The following SLC25A42 variants were observed in gnomAD, a reference collection of about 807,000 sequenced individuals.
SLC25A42 encodes solute carrier family 25 member 42.
SLC25A42 carries 19 observed loss-of-function variants against 34.7 expected under a neutral mutation model. The ratio of observed to expected loss-of-function variants is 0.55; its 90% CI spans 0.38 to 0.80. The LOEUF is 0.80. SLC25A42 is among the 30% of genes least tolerant of loss of function. The probability of loss-of-function intolerance (pLI) is 0.00; values close to 1 mark genes in which losing one functional copy is unlikely to be tolerated. For missense variants in SLC25A42, 364 were observed against 441.3 expected (o/e 0.82, Z 1.57); for synonymous variants, 205 against 191.2 (o/e 1.07, Z -0.59).
At chr19:19,107,324 A>AAAC (rs543088802) in intron 6 of SLC25A42, among the ~76,000 whole-genome samples, 14 of 151,198 alleles carry the variant, frequency 9.3e-5, no homozygotes, top group African/African-American at 3.2e-4. Flanking sequence ...TCCAAAAAAA[A>AAAC]AAAAACAAAA....
intron 3 of SLC25A42, among the ~76,000 whole-genome samples, chr19:19,103,377 G>A (rs936006689): frequency 1.3e-5 from 2 of 152,196 alleles, no homozygotes; most frequent in Non-Finnish European, 2.9e-5. Context: ...TTATGGGCAT[G>A]AGTCACCGCG....
intron 1 of SLC25A42, among the ~76,000 whole-genome samples, chr19:19,080,221 G>C (rs1166636851): frequency 6.6e-6 from 1 of 152,194 alleles, no homozygotes; most frequent in South Asian, 2.1e-4. Flanking sequence ...ATCTGGTGAA[G>C]AGCAGAGTGG....
At chr19:19,079,401 A>G (rs902631693) in intron 1 of SLC25A42, among the ~76,000 whole-genome samples, 2 of 151,932 alleles carry the variant, frequency 1.3e-5, no homozygotes, top group South Asian at 2.1e-4. Flanking sequence ...TCCCATCCCC[A>G]TGAGCAGTCA....
chr19:19,091,328 C>G (rs569909570), intron 1 of SLC25A42, among the ~76,000 whole-genome samples: 10 of 151,900 alleles, frequency 6.6e-5, no homozygotes, highest in Non-Finnish European at 1.5e-4. Flanking sequence ...CATGGTGGTG[C>G]GCGCCTATAA....
At chr19:19,092,956 C>T (rs113113377) in intron 1 of SLC25A42, among the ~76,000 whole-genome samples, 3,636 of 152,168 alleles carry the variant, frequency 0.024, 116 homozygotes, top group African/African-American at 0.07. Context: ...TGAAAGATGC[C>T]GACCCCCAGC....
At chr19:19,066,909 C>G (rs2059605610) in intron 1 of SLC25A42, among the ~76,000 whole-genome samples, 1 of 151,384 alleles carries the variant, frequency 6.6e-6, no homozygotes, top group Non-Finnish European at 1.5e-5. Flanking sequence ...CACAGTTACT[C>G]AGGAGGCTGA....
chr19:19,094,626 G>A (rs955434173), intron 1 of SLC25A42, among the ~76,000 whole-genome samples: 1 of 152,216 alleles, frequency 6.6e-6, no homozygotes, highest in South Asian at 2.1e-4. Flanking sequence ...GGAGGCTGGT[G>A]TAGCAGAATC....
intron 1 of SLC25A42, among the ~76,000 whole-genome samples, chr19:19,066,416 GGCT>G (rs2059602496): frequency 6.6e-6 from 1 of 151,458 alleles, no homozygotes. Flanking sequence ...CCTTACTGAT[GGCT>G]GTTTAAGCTG....
At chr19:19,071,921 G>A (rs147690776) in intron 1 of SLC25A42, among the ~76,000 whole-genome samples, 3 of 152,214 alleles carry the variant, frequency 2.0e-5, no homozygotes, top group African/African-American at 4.8e-5. Flanking sequence ...GATGAGCAGC[G>A]GGACAAATCA....
chr19:19,110,412 C>T (rs2059856408), intron 7 of SLC25A42, among the ~76,000 whole-genome samples, 157 bp from the exon 8 acceptor site: 1 of 152,130 alleles, frequency 6.6e-6, no homozygotes, highest in African/African-American at 2.4e-5. Flanking sequence ...GGCAGTGGGG[C>T]GTGTGGGTGC....
At position 19,108,152 on chromosome 19, in the gene SLC25A42, G is replaced by A. The variant is rs530666024; in HGVS notation, c.649+107G>A. Reference sequence around the variant, plus strand: ...CTGGAGACCAGGCGGAGTGGGGTACGACCCCTGGGTGGGGCAGGCTGTAGA... The same window carrying A: ...CTGGAGACCAGGCGGAGTGGGGTACAACCCCTGGGTGGGGCAGGCTGTAGA... On this transcript the variant is annotated intron_variant, in intron 7 of 7. Transcript: ENST00000318596. 86 of 1,323,636 alleles carry A rather than the reference G, an allele frequency of 6.5e-5. 1 individual carries two copies. Among genetic ancestry groups the A allele is most frequent in the South Asian group, 6.2e-4 (41 of 66,092 alleles). The allele number at this position is 1,323,636 out of a possible 1,614,324, so 82.0% of individuals were successfully genotyped here.
chr19:19,076,418 C>T (rs1043515922), intron 1 of SLC25A42, among the ~76,000 whole-genome samples: 29 of 152,056 alleles, frequency 1.9e-4, no homozygotes, highest in African/African-American at 5.1e-4. Context: ...TGCAGTGAGC[C>T]GAGATCATGC....
intron 2 of SLC25A42, among the ~76,000 whole-genome samples, chr19:19,100,705 T>C (rs1045657102): frequency 1.3e-4 from 20 of 152,206 alleles, no homozygotes; most frequent in Admixed American, 1.2e-3. Context: ...CTGATGCTTC[T>C]GTTGGCATCT....
intron 1 of SLC25A42, among the ~76,000 whole-genome samples, chr19:19,087,721 T>C (rs1261122412): frequency 6.6e-6 from 1 of 152,256 alleles, no homozygotes. Flanking sequence ...CCCCATTTAT[T>C]GAGCTACTTG....
intron 2 of SLC25A42, among the ~76,000 whole-genome samples, chr19:19,097,038 C>G (rs369409566): frequency 6.6e-6 from 1 of 152,218 alleles, no homozygotes; most frequent in Non-Finnish European, 1.5e-5. Flanking sequence ...CACAATTCCA[C>G]TGAAGAAAAG....
chr19:19,065,952 G>T (rs2059599909), intron 1 of SLC25A42, among the ~76,000 whole-genome samples: 1 of 152,078 alleles, frequency 6.6e-6, no homozygotes, highest in Non-Finnish European at 1.5e-5. Flanking sequence ...TGCCTCCTGG[G>T]TTCATGCAGT....
intron 1 of SLC25A42, among the ~76,000 whole-genome samples, chr19:19,090,472 C>G (rs904595130): frequency 6.6e-6 from 1 of 152,088 alleles, no homozygotes; most frequent in Admixed American, 6.6e-5. Context: ...GGTAAACCTG[C>G]ATATGTTTAT....
At chr19:19,078,826 A>G (rs966686508) in intron 1 of SLC25A42, among the ~76,000 whole-genome samples, 1 of 151,676 alleles carries the variant, frequency 6.6e-6, no homozygotes, top group African/African-American at 2.4e-5. Flanking sequence ...GTGTGTCAAA[A>G]TGCACATAAC....
intron 1 of SLC25A42, among the ~76,000 whole-genome samples, chr19:19,091,541 A>G (rs7248399): frequency 0.83 from 126,975 of 152,136 alleles, 53,104 homozygotes; most frequent in East Asian, 0.91. Context: ...TCTGCAAAAT[A>G]GGAGGTGATG....
Sources: allele counts gnomAD v4.1 joint callset (sites outside exome capture counted in the v4.1 genomes callset), GRCh38; gene constraint gnomAD v4.1.1; transcripts MANE v1.5; gene names NCBI Gene and HGNC (gene_info 2026-07-23, HGNC 2026-07-21).